The following TM2D3 variants were observed in gnomAD, a reference collection of about 807,000 sequenced individuals.
TM2D3 encodes the protein TM2 domain containing 3, also known as TM2 domain-containing protein 3.
A neutral mutation model predicts 27.3 loss-of-function variants in TM2D3; 33 were observed. The observed-to-expected ratio is 1.21, with a 90% CI of 0.92 to 1.61. The LOEUF (loss-of-function observed/expected upper bound fraction) is 1.61. TM2D3 is among the 40% of genes most tolerant of loss of function. The pLI, the probability that TM2D3 is intolerant of heterozygous loss-of-function variation, is 0.00. For missense variants in TM2D3, 364 were observed against 320.8 expected (o/e 1.13, Z -1.03); for synonymous variants, 138 against 122.2 (o/e 1.13, Z -0.85).
At chr15:101,652,101 G>C (rs373310730) in intron 1 of TM2D3, 170 bp downstream of exon 1, 1 of 616,568 alleles carries the variant, frequency 1.6e-6, no homozygotes, top group Non-Finnish European at 2.7e-6. Context: ...GGCGGCCTCG[G>C]GCCGGGCGGC....
downstream of TM2D3, among the ~76,000 whole-genome samples, chr15:101,640,075 C>CT (rs2141359039): frequency 6.6e-6 from 1 of 152,344 alleles, no homozygotes; most frequent in South Asian, 2.1e-4. Flanking sequence ...GGATGGTTGA[C>CT]TGATATGGTT....
chr15:101,641,628 T>G (rs1412877175), downstream of TM2D3, among the ~76,000 whole-genome samples: 4 of 152,174 alleles, frequency 2.6e-5, no homozygotes, highest in Non-Finnish European at 5.9e-5. Flanking sequence ...TGAGTAAAAA[T>G]CTTTTTGAAT....
intron 2 of TM2D3, chr15:101,650,436 A>G (rs1162117736): frequency 1.1e-5 from 3 of 284,048 alleles, no homozygotes; most frequent in Admixed American, 5.2e-5. Context: ...CAAATAATGT[A>G]TAGAAAATTC....
exon 5 of TM2D3, chr15:101,633,465 C>T (rs1357340994): frequency 1.3e-5 from 6 of 450,744 alleles, no homozygotes; most frequent in Non-Finnish European, 2.4e-5. Flanking sequence ...GAATTCAATT[C>T]CTTGCAGTTG....
downstream of TM2D3, among the ~76,000 whole-genome samples, chr15:101,641,108 A>C (rs1322009547): frequency 2.0e-5 from 3 of 152,254 alleles, no homozygotes; most frequent in Non-Finnish European, 4.4e-5. Context: ...TAGTTAGCAA[A>C]GGGGCTACTT....
downstream of TM2D3, among the ~76,000 whole-genome samples, chr15:101,638,234 A>T (rs74033383): frequency 0.012 from 1,874 of 151,716 alleles, 51 homozygotes; most frequent in African/African-American, 0.044. Context: ...TAACAGGAGA[A>T]AGATATAGAT....
At chr15:101,646,992 G>C in intron 3 of TM2D3, 93 bp from the exon 4 acceptor site, 1 of 1,371,770 alleles carries the variant, frequency 7.3e-7, no homozygotes, top group Non-Finnish European at 1.0e-6. Context: ...ACAAAATTCC[G>C]TAAATGCTTG....
intron 2 of TM2D3, 48 bp from the exon 3 acceptor site, chr15:101,650,209 A>G: frequency 1.9e-6 from 3 of 1,562,474 alleles, no homozygotes; most frequent in Non-Finnish European, 1.7e-6. Flanking sequence ...ACTGATTCGA[A>G]TAACAGAGAA....
chr15:101,652,275 G>A lies in TM2D3; in HGVS notation c.87C>T (p.Gly29=). 3 of 1,604,532 alleles carry A rather than the reference G, an allele frequency of 1.9e-6. No individual in the cohort carries two copies. Among genetic ancestry groups the A allele is most frequent in the Non-Finnish European group, 2.6e-6 (3 of 1,176,018 alleles). Residue 29 remains glycine, a synonymous_variant, in exon 1 of 6, where the codon GGC becomes GGT. Transcript: ENST00000333202. ...LFLSQFCILS[G]GEQSQALAQS... is the part of the protein sequence containing the mutation. ...TGAACCCAGCCTTTGACTCACCACC[G>A]CCCGACAGAATGCAGAACTGCGAGA...
chr15:101,640,177 C>G (rs528122064), downstream of TM2D3, among the ~76,000 whole-genome samples: 1 of 152,230 alleles, frequency 6.6e-6, no homozygotes, highest in South Asian at 2.1e-4. Flanking sequence ...TGTGTCTTTT[C>G]CACCCCAAAT....
In TM2D3 at chr15:101,642,171, G is replaced by A. The variant is rs1896684686; in HGVS notation, c.*308C>T. On this transcript the variant is annotated 3_prime_UTR_variant, in exon 6 of 6. Coordinates refer to ENST00000333202, the MANE Select transcript of TM2D3 (RefSeq NM_078474.3). ...CATTTGGGCTGGAGATACAAGTGATGTAGTTTGACTTGGGCAATACAAAAC... is the reference window on the plus strand; with the variant it reads ...CATTTGGGCTGGAGATACAAGTGATATAGTTTGACTTGGGCAATACAAAAC... 1.9e-6 allele frequency: 2 copies of A among 1,032,338 alleles called. No homozygotes were observed. Among genetic ancestry groups the A allele is most frequent in the Non-Finnish European group, 2.3e-6 (2 of 861,064 alleles). The allele number at this position is 1,032,338 out of a possible 1,614,324, so 63.9% of individuals were successfully genotyped here.
chr15:101,642,623 T>C lies in TM2D3; in HGVS notation c.600A>G (p.Gly200=). 6.2e-7 allele frequency: 1 copy of C among 1,609,958 alleles called. No individual in the cohort carries two copies. Among genetic ancestry groups the C allele is most frequent in the East Asian group, 2.2e-5 (1 of 44,638 alleles). The part of the protein sequence containing the change: ...LALSITLGGF[G]ADRFYLGQWR... ...ACTGGCCCAGGTAGAAACGGTCTGC[T>C]CCAAACCCACCGAGGGTGATGCTGC... is the stretch of plus-strand genomic sequence containing the variant. Residue 200 remains glycine, a synonymous_variant, in exon 6 of 6, where the codon GGA becomes GGG. Coordinates refer to ENST00000333202, the MANE Select transcript of TM2D3 (RefSeq NM_078474.3).
At chr15:101,643,602 AAAAAAAAAAAAAAAAAAAAAGC>A (rs1313587129) in intron 5 of TM2D3, among the ~76,000 whole-genome samples, 17 of 126,464 alleles carry the variant, frequency 1.3e-4, no homozygotes, top group Admixed American at 2.4e-4. Flanking sequence ...ACTCCGTTAA[AAAAAAAAAAAAAAAAAAAAAGC>A]AAAAAAAAAA....
intron 2 of TM2D3, chr15:101,650,367 T>TA: frequency 2.2e-6 from 1 of 454,162 alleles, no homozygotes; most frequent in Non-Finnish European, 3.8e-6. Context: ...ACCACACTTG[T>TA]AAAACATTAC....
At chr15:101,644,655 G>C (rs565749953) in intron 5 of TM2D3, among the ~76,000 whole-genome samples, 1 of 152,292 alleles carries the variant, frequency 6.6e-6, no homozygotes, top group East Asian at 1.9e-4. Flanking sequence ...ACATTTCTAT[G>C]TAAGAAATAT....
At chr15:101,648,693 T>G (rs1266739796) in intron 3 of TM2D3, among the ~76,000 whole-genome samples, 1 of 152,254 alleles carries the variant, frequency 6.6e-6, no homozygotes, top group African/African-American at 2.4e-5. Context: ...TGGACATCTA[T>G]CAGTACATTA....
At chr15:101,643,775 AATT>A (rs1247734382) in intron 5 of TM2D3, among the ~76,000 whole-genome samples, 1 of 152,012 alleles carries the variant, frequency 6.6e-6, no homozygotes, top group Non-Finnish European at 1.5e-5. Flanking sequence ...TGTAAATTAA[AATT>A]ATTCCAAGTT....
downstream of TM2D3, among the ~76,000 whole-genome samples, chr15:101,637,167 T>C (rs1275487508): frequency 6.6e-6 from 1 of 152,238 alleles, no homozygotes; most frequent in African/African-American, 2.4e-5. Context: ...GATTTTCTAA[T>C]TGGCAATTGG....
chr15:101,648,616 C>T (rs1018183259), intron 3 of TM2D3, among the ~76,000 whole-genome samples: 1 of 152,220 alleles, frequency 6.6e-6, no homozygotes, highest in Non-Finnish European at 1.5e-5. Context: ...CCAGAGAGAG[C>T]TGATTCTACA....
Sources: allele counts gnomAD v4.1 joint callset (sites outside exome capture counted in the v4.1 genomes callset), GRCh38; gene constraint gnomAD v4.1.1; transcripts MANE v1.5; gene names NCBI Gene and HGNC (gene_info 2026-07-23, HGNC 2026-07-21).